UGT1A7: variants seen among roughly 807,000 people sequenced by gnomAD.
UGT1A7 encodes UDP glucuronosyltransferase family 1 member A7, also known as UDP-glucuronosyltransferase 1A7.
A neutral mutation model predicts 45.6 loss-of-function variants in UGT1A7; 33 were observed. The observed-to-expected ratio is 0.72, with a 90% CI of 0.55 to 0.97. UGT1A7 has a LOEUF of 0.97. UGT1A7 is among the 50% of genes least tolerant of loss of function. The pLI is 0.00. For synonymous variants in UGT1A7, 274 were observed against 250.6 expected, an observed-to-expected ratio of 1.09 and a Z score of -0.88; for missense variants, 684 against 666.2, an observed-to-expected ratio of 1.03 and a Z score of -0.29.
intron 1 of UGT1A7, chr2:233,755,866 T>C (rs1696048647): frequency 6.6e-6 from 1 of 152,244 alleles, no homozygotes; most frequent in Non-Finnish European, 1.5e-5. Context: ...CATGACACAC[T>C]AACAAACCTT....
intron 1 of UGT1A7, chr2:233,719,004 A>T: frequency 6.2e-7 from 1 of 1,614,212 alleles, no homozygotes; most frequent in Non-Finnish European, 8.5e-7. Flanking sequence ...GGTGGTCCTC[A>T]CCCCAGAGGT....
intron 1 of UGT1A7, among the ~76,000 whole-genome samples, chr2:233,712,746 C>A (rs563563892): frequency 0.011 from 1,329 of 123,370 alleles, 32 homozygotes; most frequent in African/African-American, 0.037. Context: ...CTTGGATGTT[C>A]CCCAGAGCGA....
intron 1 of UGT1A7, among the ~76,000 whole-genome samples, chr2:233,705,827 C>T (rs757797853): frequency 6.6e-6 from 1 of 152,164 alleles, no homozygotes; most frequent in Non-Finnish European, 1.5e-5. Flanking sequence ...AGGCCGAGCA[C>T]AGTGGCTGGA....
intron 1 of UGT1A7, chr2:233,692,823 T>C: frequency 7.0e-7 from 1 of 1,433,698 alleles, no homozygotes; most frequent in South Asian, 1.5e-5. Context: ...ATATTAACCA[T>C]GTGATTAAAA....
chr2:233,763,186 T>C (rs1029740722), intron 1 of UGT1A7, among the ~76,000 whole-genome samples: 4 of 152,264 alleles, frequency 2.6e-5, no homozygotes, highest in Non-Finnish European at 4.4e-5. Flanking sequence ...TATTTGTTGT[T>C]GCCTTGTTTG....
At chr2:233,712,095 A>G (rs1426604631) in intron 1 of UGT1A7, among the ~76,000 whole-genome samples, 2 of 152,252 alleles carry the variant, frequency 1.3e-5, no homozygotes, top group African/African-American at 2.4e-5. Flanking sequence ...ATGAATGGAC[A>G]CTTCAGTCTC....
chr2:233,690,526 C>G (rs1212510465), intron 1 of UGT1A7: 1 of 1,289,614 alleles, frequency 7.8e-7, no homozygotes, highest in African/African-American at 1.5e-5. Flanking sequence ...TTAGGATCTA[C>G]TTCTTTCACC....
chr2:233,755,294 G>A, intron 1 of UGT1A7: 1 of 630,960 alleles, frequency 1.6e-6, no homozygotes. Flanking sequence ...GAGCCTGCGG[G>A]GCACTGGCAC....
Position 233,772,646 on chromosome 2 carries a change from A to G in UGT1A7, c.*87A>G. The G allele has an allele frequency of 6.5e-7, 1 of 1,549,870 alleles. No individual in the cohort carries two copies. ...ACAGAATCAGTGTTAAATTCATTTTATTCTTATTAAGGAAATACTTTGCAT... is the reference window on the plus strand; with the variant it reads ...ACAGAATCAGTGTTAAATTCATTTTGTTCTTATTAAGGAAATACTTTGCAT... On this transcript the variant is annotated 3_prime_UTR_variant, in exon 5 of 5. Transcript: ENST00000373426.
At chr2:233,695,534 T>C (rs2075294945) in intron 1 of UGT1A7, among the ~76,000 whole-genome samples, 1 of 152,134 alleles carries the variant, frequency 6.6e-6, no homozygotes, top group African/African-American at 2.4e-5. Context: ...TTTTTTCTTT[T>C]TCTTTTTTAA....
intron 1 of UGT1A7, among the ~76,000 whole-genome samples, chr2:233,689,439 A>C (rs1476272923): frequency 6.6e-6 from 1 of 152,238 alleles, no homozygotes; most frequent in African/African-American, 2.4e-5. Flanking sequence ...AAAGGTTTTT[A>C]AGAGCAAGGA....
intron 4 of UGT1A7, among the ~76,000 whole-genome samples, chr2:233,768,726 G>T (rs929247208): frequency 2.6e-5 from 4 of 151,498 alleles, no homozygotes; most frequent in Non-Finnish European, 5.9e-5. Flanking sequence ...GGGATTACAG[G>T]TGTCCACCAC....
At chr2:233,747,803 A>G in intron 1 of UGT1A7, 1 of 1,613,426 alleles carries the variant, frequency 6.2e-7, no homozygotes, top group African/African-American at 1.3e-5. Context: ...TTCCTAAGTT[A>G]CTAACGACCA....
rs2077866341 is a variant in UGT1A7 at position 233,729,479 on chromosome 2, A to T, written c.856-37555A>T. 5 of 1,614,240 alleles carry T rather than the reference A, an allele frequency of 3.1e-6. No homozygotes were observed. The East Asian group carries it at 1.1e-4, about 36-fold the overall frequency. On this transcript the variant is annotated intron_variant, in intron 1 of 4. Coordinates refer to ENST00000373426, the MANE Select transcript of UGT1A7 (RefSeq NM_019077.3). ...TTTTTCAGAAGTATGGCAATGTTGA[A>T]CAATATGTCTTTGGTCTATCATAGG...
intron 1 of UGT1A7, among the ~76,000 whole-genome samples, chr2:233,757,562 G>GTATATATATATATATATATATACATA (rs1491042837): frequency 1.1e-5 from 1 of 90,870 alleles, no homozygotes; most frequent in Non-Finnish European, 2.1e-5. Flanking sequence ...ATATATATAT[G>GTATATATATATATATATATATACATA]TATATATGAT....
intron 1 of UGT1A7, among the ~76,000 whole-genome samples, chr2:233,757,535 AATATATATATATATAT>A (rs67292694): frequency 2.3e-5 from 2 of 88,312 alleles, no homozygotes; most frequent in Non-Finnish European, 4.4e-5. Context: ...GCCTGTAAGG[AATATATATATATATAT>A]ATATATATAT....
At position 233,687,583 on chromosome 2, in the gene UGT1A7, TAAAAA is replaced by T. The variant is rs71398794; in HGVS notation, c.855+4811_855+4815del. ...AGAATTCAAGACCATACATTCTTTG[TAAAAA>T]AAAAAAAAAAAAAAAAAAAGGAAAG... On this transcript the variant is annotated intron_variant, in intron 1 of 4. Transcript: ENST00000373426. Among the ~76,000 whole-genome samples the T allele has an allele frequency of 8.1e-3, 870 of 107,420 alleles. 4 individuals carry two copies. Among genetic ancestry groups the T allele is most frequent in the African/African-American group, 0.023 (698 of 29,714 alleles). 70.5% of individuals were successfully genotyped at this position (107,420 alleles called of 152,430 possible). A position where few individuals can be genotyped will look rare whatever the true frequency, so the allele number is the denominator to read the frequency against.
At chr2:233,766,543 C>T (rs1171060177) in intron 1 of UGT1A7, among the ~76,000 whole-genome samples, 8 of 152,170 alleles carry the variant, frequency 5.3e-5, no homozygotes, top group Admixed American at 5.2e-4. Flanking sequence ...AACAAAAATG[C>T]CTGTCCTCAC....
intron 1 of UGT1A7, among the ~76,000 whole-genome samples, chr2:233,722,693 G>A (rs969109813): frequency 2.0e-5 from 3 of 151,938 alleles, no homozygotes; most frequent in Admixed American, 1.3e-4. Context: ...TCTTTTCATT[G>A]CTTTTAGATA....
Sources: gnomAD v4.1 joint callset for allele counts (sites outside exome capture counted in the v4.1 genomes callset) on GRCh38, gnomAD v4.1.1 for gene constraint, MANE v1.5 for transcripts, NCBI Gene and HGNC (gene_info 2026-07-23, HGNC 2026-07-21) for gene names.